The following GMPR variants were observed in gnomAD, a reference collection of about 807,000 sequenced individuals.
GMPR encodes the protein guanosine monophosphate reductase.
GMPR carries 31 observed loss-of-function variants against 38.4 expected under a neutral mutation model. That is an observed-to-expected ratio of 0.81 (90% confidence interval 0.61 to 1.09). The LOEUF (loss-of-function observed/expected upper bound fraction) is 1.09, where lower values mean the gene tolerates loss of function less well. Among genes scored for constraint, GMPR ranks in the 50% least tolerant of loss-of-function variants. GMPR has a pLI of 0.00. For synonymous variants in GMPR, 162 were observed against 173.3 expected (o/e 0.93, Z 0.51); for missense variants, 468 against 453.7 (o/e 1.03, Z -0.29).
intron 4 of GMPR, among the ~76,000 whole-genome samples, chr6:16,266,906 C>T (rs1581657079): frequency 6.6e-6 from 1 of 152,128 alleles, no homozygotes; most frequent in South Asian, 2.1e-4. Flanking sequence ...GGACGTGCCA[C>T]CTTTAAGAGC....
chr6:16,245,626 A>T lies in GMPR; in HGVS notation c.88-1216A>T, dbSNP rs533050281. 6.6e-5 allele frequency among the ~76,000 whole-genome samples: 10 copies of T among 152,350 alleles called. No homozygotes were observed. The South Asian group carries it at 1.9e-3, about 28-fold the overall frequency. On this transcript the variant is annotated intron_variant, in intron 1 of 8. Transcript: ENST00000259727. Reference sequence around the variant, plus strand: ...AGTTTGTGTCTATCGGAGTCCAGCCAGAGAAACAAACGATGCTGACTGTTT... The same window carrying T: ...AGTTTGTGTCTATCGGAGTCCAGCCTGAGAAACAAACGATGCTGACTGTTT...
chr6:16,286,178 A>G (rs924195563), intron 7 of GMPR, among the ~76,000 whole-genome samples: 2 of 152,060 alleles, frequency 1.3e-5, no homozygotes, highest in Non-Finnish European at 2.9e-5. Flanking sequence ...TTTTGGACCC[A>G]GCTTGGAGAA....
intron 4 of GMPR, among the ~76,000 whole-genome samples, chr6:16,255,654 G>C (rs1758958403): frequency 6.6e-6 from 1 of 152,192 alleles, no homozygotes; most frequent in Non-Finnish European, 1.5e-5. Flanking sequence ...AGCAGCTCTA[G>C]AGTACAACTT....
At chr6:16,284,359 A>G (rs1453042532) in intron 6 of GMPR, among the ~76,000 whole-genome samples, 1 of 152,182 alleles carries the variant, frequency 6.6e-6, no homozygotes, top group Non-Finnish European at 1.5e-5. Flanking sequence ...GGGTCATCCC[A>G]TTTCCCTGCT....
rs1561838102 is a variant in GMPR at position 16,295,023 on chromosome 6, CTG to C, written c.878_879del (p.Val293GlyfsTer87). ...TCTTCCAGAGCCTCTGAGGGTAAGA[CTG>C]TGGAAGTTCCTTACAAAGGAGATGT... On this transcript the variant is annotated frameshift_variant, in exon 9 of 9. Transcript: ENST00000259727. LOFTEE classifies it high-confidence loss of function. The C allele has an allele frequency of 9.3e-6, 15 of 1,609,244 alleles. No individual in the cohort carries two copies. Among genetic ancestry groups the C allele is most frequent in the East Asian group, 4.5e-5 (2 of 44,370 alleles).
At chr6:16,254,773 G>A in intron 4 of GMPR, 38 bp downstream of exon 4, 2 of 1,484,456 alleles carry the variant, frequency 1.3e-6, no homozygotes, top group Non-Finnish European at 1.9e-6. Flanking sequence ...ACATTCTCAA[G>A]ATGGGGAAGC....
chr6:16,286,221 C>A (rs528176159), intron 7 of GMPR, among the ~76,000 whole-genome samples: 2 of 151,996 alleles, frequency 1.3e-5, no homozygotes, highest in Admixed American at 1.3e-4. Context: ...AATCCCGCAG[C>A]GGTTTCTCCC....
chr6:16,267,554 A>G (rs909506503), intron 4 of GMPR, among the ~76,000 whole-genome samples: 3 of 152,196 alleles, frequency 2.0e-5, no homozygotes, highest in Admixed American at 6.5e-5. Context: ...ACCCACCAGA[A>G]GGAAGAAACT....
At chr6:16,259,952 T>C (rs1192073031) in intron 4 of GMPR, among the ~76,000 whole-genome samples, 102 of 151,958 alleles carry the variant, frequency 6.7e-4, no homozygotes, top group Middle Eastern at 3.4e-3. Context: ...TAGTTGAGAA[T>C]GGTGAATAGG....
rs1459625245 is a variant in GMPR, at chr6:16,290,213, C to T, written c.698-249C>T. 7 of 485,314 alleles carry T rather than the reference C, an allele frequency of 1.4e-5. 1 individual carries two copies. The South Asian group carries it at 2.0e-4, about 14-fold the overall frequency. 30.1% of individuals were successfully genotyped at this position (485,314 alleles called of 1,614,324 possible). ...GCCATTAAAAGCCATTCAGCATGGT[C>T]CAGTATATGGGACACTAGCCTTCAG... is the stretch of plus-strand genomic sequence containing the variant. On this transcript the variant is annotated intron_variant, in intron 7 of 8. Coordinates refer to ENST00000259727, the MANE Select transcript of GMPR (RefSeq NM_006877.4).
At chr6:16,285,029 A>C (rs1258262931) in intron 6 of GMPR, among the ~76,000 whole-genome samples, 4 of 131,316 alleles carry the variant, frequency 3.0e-5, no homozygotes, top group African/African-American at 6.6e-5. Flanking sequence ...AAAAAAAAAA[A>C]AAACAAAAAA....
intron 4 of GMPR, among the ~76,000 whole-genome samples, chr6:16,256,189 C>T (rs1758970810): frequency 6.8e-6 from 1 of 147,056 alleles, no homozygotes; most frequent in African/African-American, 2.5e-5. Flanking sequence ...GCACTCCAGC[C>T]TGGGCAACAG....
At chr6:16,250,956 G>C (rs1384294795) in intron 3 of GMPR, among the ~76,000 whole-genome samples, 1 of 152,074 alleles carries the variant, frequency 6.6e-6, no homozygotes, top group African/African-American at 2.4e-5. Flanking sequence ...ATGGAAAATG[G>C]TGCAGCTGCT....
chr6:16,290,348 C>A, intron 7 of GMPR, 114 bp from the exon 8 acceptor site: 2 of 910,074 alleles, frequency 2.2e-6, no homozygotes, highest in Non-Finnish European at 1.8e-6. Context: ...TTTCTCTTGA[C>A]TATAGCTGGG....
chr6:16,267,690 T>A (rs1265127361), intron 4 of GMPR, among the ~76,000 whole-genome samples: 1 of 152,112 alleles, frequency 6.6e-6, no homozygotes, highest in Admixed American at 6.5e-5. Flanking sequence ...AGGAACCAAT[T>A]CCAGACATAC....
chr6:16,280,575 T>C (rs907618098), intron 6 of GMPR, among the ~76,000 whole-genome samples: 9 of 152,240 alleles, frequency 5.9e-5, no homozygotes, highest in Admixed American at 4.6e-4. Flanking sequence ...CTACATTTGC[T>C]AAGAGGTTAT....
chr6:16,295,124 G>T lies in GMPR; in HGVS notation c.976G>T (p.Glu326Ter), dbSNP rs1464770568. 1 of 1,575,962 alleles carries T rather than the reference G, an allele frequency of 6.3e-7. No individual in the cohort carries two copies. The highest frequency in any genetic ancestry group is 8.6e-7 in the Non-Finnish European group (1 of 1,167,098). Reference sequence around the variant, plus strand: ...CTACGTGGGGGCCGCCAAACTCAAGGAGCTCAGCAGGAGGGCAACATTCAT... The same window carrying T: ...CTACGTGGGGGCCGCCAAACTCAAGTAGCTCAGCAGGAGGGCAACATTCAT... ...CTYVGAAKLK[E>*]LSRRATFIRV... Residue 326 changes from glutamate (E) to a stop codon, truncating the protein, a stop_gained, in exon 9 of 9, where the codon GAG becomes TAG. Transcript: ENST00000259727. LOFTEE classifies it high-confidence loss of function.
intron 4 of GMPR, among the ~76,000 whole-genome samples, chr6:16,266,935 G>A (rs1373741998): frequency 1.3e-5 from 2 of 151,702 alleles, no homozygotes; most frequent in Admixed American, 1.3e-4. Flanking sequence ...TCACTGCAAA[G>A]GTCTGCGGCT....
At chr6:16,248,409 C>T (rs536869617) in intron 2 of GMPR, among the ~76,000 whole-genome samples, 1 of 150,954 alleles carries the variant, frequency 6.6e-6, no homozygotes, top group Non-Finnish European at 1.5e-5. Context: ...CTTCTGCATC[C>T]TAGATGTGGA....
Sources: gnomAD v4.1 joint callset for allele counts (sites outside exome capture counted in the v4.1 genomes callset) on GRCh38, gnomAD v4.1.1 for gene constraint, MANE v1.5 for transcripts, NCBI Gene and HGNC (gene_info 2026-07-23, HGNC 2026-07-21) for gene names.